The following ELMO1 variants were observed in gnomAD, a reference collection of about 807,000 sequenced individuals.
ELMO1 encodes the protein engulfment and cell motility 1, also known as engulfment and cell motility protein 1.
ELMO1 carries 26 observed loss-of-function variants against 98.9 expected under a neutral mutation model. The observed-to-expected ratio is 0.26, with a 90% CI of 0.19 to 0.36. The LOEUF (loss-of-function observed/expected upper bound fraction) is 0.36. Ranked by LOEUF, ELMO1 falls within the 10% of genes least tolerant of loss-of-function variation. The probability of loss-of-function intolerance (pLI) is 1.00; values close to 1 mark genes in which losing one functional copy is unlikely to be tolerated. For synonymous variants in ELMO1, 346 were observed against 346.0 expected, an observed-to-expected ratio of 1.00 and a Z score of 0.00; for missense variants, 627 against 935.2, an observed-to-expected ratio of 0.67 and a Z score of 4.30.
chr7:37,088,142 A>G lies in ELMO1; in HGVS notation c.1300+8477T>C, dbSNP rs73348209. On this transcript the variant is annotated intron_variant, in intron 15 of 21. Transcript: ENST00000310758. ...GAATGGATGCTGATTGGGGCCAGCT[A>G]TATCTTTTCAGAAATAATGTAAAAA... Among the ~76,000 whole-genome samples, 1,113 of 152,356 alleles carry G rather than the reference A, an allele frequency of 7.3e-3. 14 individuals are homozygous for G. The highest frequency in any genetic ancestry group is 0.025 in the African/African-American group (1,056 of 41,590).
intron 1 of ELMO1, among the ~76,000 whole-genome samples, chr7:37,420,059 C>T (rs887165006): frequency 2.0e-5 from 3 of 152,204 alleles, no homozygotes; most frequent in Admixed American, 2.0e-4. Flanking sequence ...ACGATTTACA[C>T]ATACCTAATA....
intron 18 of ELMO1, among the ~76,000 whole-genome samples, chr7:36,885,930 T>C (rs73119923): frequency 0.19 from 28,654 of 152,204 alleles, 2,931 homozygotes; most frequent in South Asian, 0.28. Context: ...CATGATAGCC[T>C]TGGGAGACAG....
intron 15 of ELMO1, among the ~76,000 whole-genome samples, chr7:37,088,694 A>G (rs1783912515): frequency 6.6e-6 from 1 of 152,178 alleles, no homozygotes; most frequent in Non-Finnish European, 1.5e-5. Flanking sequence ...GAATGCAAGA[A>G]TTTTACATGA....
At chr7:36,943,892 A>G (rs1787258096) in intron 16 of ELMO1, among the ~76,000 whole-genome samples, 1 of 152,202 alleles carries the variant, frequency 6.6e-6, no homozygotes, top group Non-Finnish European at 1.5e-5. Context: ...GTGGATATAC[A>G]CTAGACAGGG....
intron 15 of ELMO1, among the ~76,000 whole-genome samples, chr7:37,016,753 A>G (rs1793963457): frequency 6.6e-6 from 1 of 152,230 alleles, no homozygotes; most frequent in African/African-American, 2.4e-5. Context: ...GTCAGGCACA[A>G]AAGGAAGATA....
intron 16 of ELMO1, among the ~76,000 whole-genome samples, chr7:36,949,882 C>T (rs1370582494): frequency 6.6e-6 from 1 of 152,134 alleles, no homozygotes; most frequent in African/African-American, 2.4e-5. Flanking sequence ...TACTGTGTGG[C>T]CTCATGCCAA....
intron 16 of ELMO1, among the ~76,000 whole-genome samples, chr7:36,899,382 G>A (rs1280610343): frequency 2.6e-5 from 4 of 152,102 alleles, no homozygotes; most frequent in African/African-American, 9.7e-5. Flanking sequence ...ACAACATTTT[G>A]CTTGGAGGAT....
chr7:37,071,221 A>T (rs1797250584), intron 15 of ELMO1, among the ~76,000 whole-genome samples: 1 of 152,202 alleles, frequency 6.6e-6, no homozygotes. Flanking sequence ...CTCAACTGGC[A>T]TTAAACCAGT....
intron 1 of ELMO1, among the ~76,000 whole-genome samples, chr7:37,406,225 CT>C (rs1391003211): frequency 6.6e-6 from 1 of 150,532 alleles, no homozygotes. Context: ...AGTGAAAAAT[CT>C]GCAGTTGGTG....
chr7:37,430,151 C>A (rs899285143), intron 1 of ELMO1, among the ~76,000 whole-genome samples: 2 of 152,212 alleles, frequency 1.3e-5, no homozygotes, highest in African/African-American at 4.8e-5. Flanking sequence ...ATTCCAAATT[C>A]AATGTCTGGA....
At chr7:37,020,064 C>A (rs925505820) in intron 15 of ELMO1, among the ~76,000 whole-genome samples, 7 of 152,172 alleles carry the variant, frequency 4.6e-5, no homozygotes, top group Non-Finnish European at 7.3e-5. Context: ...AGGGTTACTG[C>A]ACTGTAGCAA....
chr7:36,937,170 A>T (rs1325453989), intron 16 of ELMO1, among the ~76,000 whole-genome samples: 1 of 152,238 alleles, frequency 6.6e-6, no homozygotes, highest in Non-Finnish European at 1.5e-5. Context: ...AGTACCTCAG[A>T]ATGTGACACT....
chr7:37,061,892 G>A (rs1796686327), intron 15 of ELMO1, among the ~76,000 whole-genome samples: 1 of 151,500 alleles, frequency 6.6e-6, no homozygotes, highest in Non-Finnish European at 1.5e-5. Context: ...CTAATATTCT[G>A]TGACCCCAAA....
intron 15 of ELMO1, among the ~76,000 whole-genome samples, chr7:37,044,211 G>A (rs1206612913): frequency 6.6e-6 from 1 of 152,146 alleles, no homozygotes; most frequent in South Asian, 2.1e-4. Context: ...AGAGGGTGAG[G>A]GTCCTTACTA....
At chr7:37,252,012 T>C (rs550007134) in intron 6 of ELMO1, among the ~76,000 whole-genome samples, 87 of 152,044 alleles carry the variant, frequency 5.7e-4, no homozygotes, top group Non-Finnish European at 1.1e-3. Context: ...TACCTAGGAA[T>C]AGAACTTAAA....
chr7:37,243,363 G>A lies in ELMO1; in HGVS notation c.449+993C>T, dbSNP rs77438447. Among the ~76,000 whole-genome samples the A allele has an allele frequency of 1.4e-3, 220 of 152,298 alleles. 2 individuals are homozygous for A. The East Asian group carries it at 0.036, about 25-fold the overall frequency. ...GAAATACCGAGCTTGTATGTTGAAT[G>A]TAAGTGTGGATTTGGAGTAATGAGT... On this transcript the variant is annotated intron_variant, in intron 7 of 21. Transcript: ENST00000310758.
chr7:37,166,823 G>T (rs1289133913), intron 13 of ELMO1, among the ~76,000 whole-genome samples: 3 of 152,160 alleles, frequency 2.0e-5, no homozygotes, highest in Admixed American at 6.5e-5. Flanking sequence ...TATTGATTTG[G>T]GGAGGAGAGT....
At chr7:37,317,092 A>G (rs1422337191) in intron 2 of ELMO1, among the ~76,000 whole-genome samples, 1 of 152,160 alleles carries the variant, frequency 6.6e-6, no homozygotes, top group Non-Finnish European at 1.5e-5. Context: ...AAAGGGCAAA[A>G]GACTTCAAAA....
chr7:36,935,856 T>C (rs773098126), intron 16 of ELMO1, among the ~76,000 whole-genome samples: 6 of 152,180 alleles, frequency 3.9e-5, no homozygotes, highest in East Asian at 1.9e-4. Flanking sequence ...TGGTCTTGAA[T>C]GTTCATCTAA....
Sources: allele counts gnomAD v4.1 joint callset (sites outside exome capture counted in the v4.1 genomes callset), GRCh38; gene constraint gnomAD v4.1.1; transcripts MANE v1.5; gene names NCBI Gene and HGNC (gene_info 2026-07-23, HGNC 2026-07-21).